Variants in CEBPZOS observed in about 807,000 individuals in gnomAD.
CEBPZOS encodes the protein protein CEBPZOS.
In CEBPZOS, 10 loss-of-function variants were observed where a neutral mutation model predicts 4.8. The ratio of observed to expected loss-of-function variants is 2.07; its 90% CI spans 1.28 to 3.52. CEBPZOS has a LOEUF of 3.52. Among genes scored for constraint, CEBPZOS ranks in the 30% most tolerant of loss-of-function variants. The pLI, the probability that CEBPZOS is intolerant of heterozygous loss-of-function variation, is 0.00. For synonymous variants in CEBPZOS, 25 were observed against 14.2 expected (o/e 1.77, Z -1.72); for missense variants, 98 against 43.6 (o/e 2.25, Z -3.51).
downstream of CEBPZOS, chr2:37,215,057 A>C: frequency 3.9e-6 from 3 of 770,696 alleles, no homozygotes; most frequent in Non-Finnish European, 6.5e-6. Flanking sequence ...TAAAAATCTC[A>C]GAATTGTGTG....
chr2:37,202,527 C>G lies in CEBPZOS; in HGVS notation c.*667C>G, dbSNP rs1388322330. 7.0e-6 allele frequency: 2 copies of G among 285,176 alleles called. No homozygotes were observed. Among genetic ancestry groups the G allele is most frequent in the East Asian group, 6.6e-5 (1 of 15,238 alleles). The allele number at this position is 285,176 out of a possible 1,614,324, so 17.7% of individuals were successfully genotyped here. On this transcript the variant is annotated 3_prime_UTR_variant, in exon 5 of 5. Transcript: ENST00000402297. ...GGGCGTGGTGGTGCATGCCTGTAATCCCAGCTACTTGGGAGGCTAAGGTAG... is the reference window on the plus strand; with the variant it reads ...GGGCGTGGTGGTGCATGCCTGTAATGCCAGCTACTTGGGAGGCTAAGGTAG...
chr2:37,212,617 C>T (rs1042820484), intron 4 of CEBPZOS: 8 of 527,194 alleles, frequency 1.5e-5, no homozygotes, highest in South Asian at 2.8e-5. Context: ...CAGTTAATTT[C>T]GGCTCTTTCT....
intron 3 of CEBPZOS, 66 bp from the exon 4 acceptor site, chr2:37,201,576 T>C: frequency 3.1e-6 from 2 of 654,630 alleles, no homozygotes; most frequent in Non-Finnish European, 5.5e-6. Context: ...GTTGTTTTTT[T>C]CAATACATTT....
downstream of CEBPZOS, chr2:37,215,596 C>G (rs1056503951): frequency 1.8e-4 from 28 of 152,404 alleles, no homozygotes; most frequent in African/African-American, 6.8e-4. Flanking sequence ...TAATTTAATC[C>G]TGGTCTCTGA....
downstream of CEBPZOS, chr2:37,215,540 G>A (rs1677847316): frequency 6.6e-6 from 1 of 152,218 alleles, no homozygotes; most frequent in Non-Finnish European, 1.5e-5. Flanking sequence ...TACATCTCTG[G>A]ACCTCTGTGA....
At chr2:37,212,029 T>C in intron 4 of CEBPZOS, 1 of 1,577,838 alleles carries the variant, frequency 6.3e-7, no homozygotes, top group South Asian at 1.2e-5. Context: ...TTTGTTCTCT[T>C]TTTCACGTTT....
chr2:37,209,533 A>G (rs1262919817), downstream of CEBPZOS: 1 of 152,174 alleles, frequency 6.6e-6, no homozygotes, highest in Non-Finnish European at 1.5e-5. Flanking sequence ...AACAAAAACA[A>G]AGTGGGGAAA....
rs1430910225 is a variant in CEBPZOS at position 37,196,518 on chromosome 2, C to G, written c.-4C>G. Reference sequence around the variant, plus strand: ...TGCGCAGTCCCCCTTGAACGCACCTCAGGTAAGACTCTGGCGAGTGGCTTC... The same window carrying G: ...TGCGCAGTCCCCCTTGAACGCACCTGAGGTAAGACTCTGGCGAGTGGCTTC... On this transcript the variant is annotated splice_region_variant and 5_prime_UTR_variant, in exon 1 of 5. Coordinates refer to ENST00000402297, the MANE Select transcript of CEBPZOS (RefSeq NM_001322374.2). The G allele has an allele frequency of 1.3e-5, 2 of 152,244 alleles. No individual in the cohort carries two copies. The highest frequency in any genetic ancestry group is 4.8e-5 in the African/African-American group (2 of 41,452). The allele number at this position is 152,244 out of a possible 1,614,324, so 9.4% of individuals were successfully genotyped here. A position where few individuals can be genotyped will look rare whatever the true frequency, so the allele number is the denominator to read the frequency against.
At chr2:37,201,616 T>C in intron 3 of CEBPZOS, 26 bp from the exon 4 acceptor site, 2 of 694,348 alleles carry the variant, frequency 2.9e-6, no homozygotes, top group Non-Finnish European at 5.2e-6. Context: ...CATGACTTTA[T>C]AAATGAGAGC....
Position 37,201,941 on chromosome 2 carries a change from C to A in CEBPZOS, c.*81C>A. The A allele has an allele frequency of 6.3e-7, 1 of 1,583,016 alleles. No homozygotes were observed. Among genetic ancestry groups the A allele is most frequent in the Non-Finnish European group, 8.6e-7 (1 of 1,163,724 alleles). The stretch of plus-strand genomic sequence containing the variant: ...AAGAAAAGATGAGTGTACTACCACA[C>A]TGTAGACTCTTGGTGGTCCCACAGA... On this transcript the variant is annotated 3_prime_UTR_variant, in exon 5 of 5. Transcript: ENST00000402297.
intron 1 of CEBPZOS, among the ~76,000 whole-genome samples, chr2:37,197,595 G>A (rs1161725248): frequency 6.6e-6 from 1 of 152,170 alleles, no homozygotes; most frequent in South Asian, 2.1e-4. Flanking sequence ...CAAGAGGCCG[G>A]GCGTGGCGGC....
rs56340587 is a variant in CEBPZOS, at chr2:37,202,644, C to CAAAAAAAAAAAAAAAAAA, written c.*815_*832dup. The CAAAAAAAAAAAAAAAAAA allele has an allele frequency of 5.7e-5, 11 of 192,910 alleles. 1 individual carries two copies. Among genetic ancestry groups the CAAAAAAAAAAAAAAAAAA allele is most frequent in the Non-Finnish European group, 8.5e-5 (10 of 117,376 alleles). The allele number at this position is 192,910 out of a possible 1,614,324, so 11.9% of individuals were successfully genotyped here. On this transcript the variant is annotated 3_prime_UTR_variant, in exon 5 of 5. Coordinates refer to ENST00000402297, the MANE Select transcript of CEBPZOS (RefSeq NM_001322374.2). ...TGGGCAAGGGAGTGAGACGCTGTCT[C>CAAAAAAAAAAAAAAAAAA]AAAAAAAAAAAAAAAAAAAAAAAAA...
downstream of CEBPZOS, chr2:37,208,881 T>G (rs887477993): frequency 6.6e-6 from 1 of 151,946 alleles, no homozygotes; most frequent in East Asian, 1.9e-4. Flanking sequence ...ATAGCATACC[T>G]AGAAAACCCT....
chr2:37,206,252 T>C (rs997390854), downstream of CEBPZOS, among the ~76,000 whole-genome samples: 1 of 152,212 alleles, frequency 6.6e-6, no homozygotes, highest in African/African-American at 2.4e-5. Context: ...TTAAAAGGTA[T>C]CCAACAAAAC....
At position 37,203,067 on chromosome 2, in the gene CEBPZOS, GC is replaced by G; in HGVS notation, c.*1208del. On this transcript the variant is annotated 3_prime_UTR_variant, in exon 5 of 5. Coordinates refer to ENST00000402297, the MANE Select transcript of CEBPZOS (RefSeq NM_001322374.2). ...ATAAATCTAATGATTTTAGAAAAAT[GC>G]AATGCAACATGATTTTATTTTAAAA... 1 of 1,128,734 alleles carries G rather than the reference GC, an allele frequency of 8.9e-7. No homozygotes were observed. Among genetic ancestry groups the G allele is most frequent in the Non-Finnish European group, 1.3e-6 (1 of 797,292 alleles). 69.9% of individuals were successfully genotyped at this position (1,128,734 alleles called of 1,614,324 possible).
chr2:37,197,191 G>C (rs890517918), intron 1 of CEBPZOS: 8 of 152,538 alleles, frequency 5.2e-5, no homozygotes, highest in African/African-American at 1.9e-4. Flanking sequence ...GAGAAGGCAG[G>C]CGCTGGTCTG....
At chr2:37,201,315 T>C (rs1156640534) in intron 3 of CEBPZOS, 3 of 528,170 alleles carry the variant, frequency 5.7e-6, no homozygotes, top group African/African-American at 3.9e-5. Flanking sequence ...GAATCATTCA[T>C]ATATGAGGTG....
intron 1 of CEBPZOS, 114 bp from the exon 2 acceptor site, chr2:37,199,590 T>C (rs1284484968): frequency 1.6e-6 from 1 of 626,064 alleles, no homozygotes; most frequent in Admixed American, 2.6e-5. Context: ...TTGGTCTTAC[T>C]CCCATACAGA....
At chr2:37,198,978 A>C (rs2148318362) in intron 1 of CEBPZOS, among the ~76,000 whole-genome samples, 1 of 151,904 alleles carries the variant, frequency 6.6e-6, no homozygotes, top group East Asian at 1.9e-4. Context: ...ACATGGTGAG[A>C]CCCTGTGTCT....
Sources: allele counts gnomAD v4.1 joint callset (sites outside exome capture counted in the v4.1 genomes callset), GRCh38; gene constraint gnomAD v4.1.1; transcripts MANE v1.5; gene names NCBI Gene and HGNC (gene_info 2026-07-23, HGNC 2026-07-21).